Variants in NXPE2 observed in about 807,000 individuals in gnomAD.
NXPE2 encodes NXPE family member 2.
A neutral mutation model predicts 34.4 loss-of-function variants in NXPE2; 34 were observed. That is an observed-to-expected ratio of 0.99 (90% CI 0.75 to 1.31). The LOEUF (loss-of-function observed/expected upper bound fraction) is 1.31, where lower values mean the gene tolerates loss of function less well. Ranked by LOEUF, NXPE2 falls within the 40% of genes most tolerant of loss-of-function variation. The probability of loss-of-function intolerance (pLI) is 0.00; values close to 1 mark genes in which losing one functional copy is unlikely to be tolerated. For missense variants in NXPE2, 649 were observed against 672.5 expected (o/e 0.97, Z 0.39); for synonymous variants, 235 against 231.3 (o/e 1.02, Z -0.15).
At chr11:114,478,222 C>T in the NXPE2 span, among the ~76,000 whole-genome samples, 204 of 152,104 alleles carry the variant, frequency 1.3e-3, no homozygotes, top group African/African-American at 4.7e-3. Context: ...ATCTCTGTGA[C>T]GGGGAGGTAG....
chr11:114,543,277 A>G, the NXPE2 span, among the ~76,000 whole-genome samples: 133 of 151,442 alleles, frequency 8.8e-4, no homozygotes, highest in African/African-American at 3.1e-3. Context: ...AATTGCTTGA[A>G]CCTGGGAGGC....
At chr11:114,645,596 G>A in the NXPE2 span, among the ~76,000 whole-genome samples, 1 of 151,988 alleles carries the variant, frequency 6.6e-6, no homozygotes, top group Admixed American at 6.6e-5. Context: ...TAAAATGCAA[G>A]GCATAAGCTA....
chr11:114,489,651 TCAA>T, the NXPE2 span, among the ~76,000 whole-genome samples: 4 of 152,156 alleles, frequency 2.6e-5, no homozygotes, highest in African/African-American at 4.8e-5. Context: ...TTGACAAAAT[TCAA>T]CAACGCTTCA....
At chr11:114,591,761 C>CTGTA in the NXPE2 span, among the ~76,000 whole-genome samples, 273 of 152,188 alleles carry the variant, frequency 1.8e-3, 3 homozygotes, top group African/African-American at 6.4e-3. Context: ...TTCCAGGCCC[C>CTGTA]TGTATGATGT....
At chr11:114,505,025 G>A in the NXPE2 span, among the ~76,000 whole-genome samples, 1 of 152,118 alleles carries the variant, frequency 6.6e-6, no homozygotes, top group African/African-American at 2.4e-5. Context: ...AAAATAGCCA[G>A]TATACAGAAG....
chr11:114,613,628 A>C, the NXPE2 span, among the ~76,000 whole-genome samples: 7 of 151,576 alleles, frequency 4.6e-5, no homozygotes, highest in Non-Finnish European at 1.0e-4. Context: ...ACTGTTACAC[A>C]CTGGATAACA....
At chr11:114,766,586 TTC>T in the NXPE2 span, among the ~76,000 whole-genome samples, 1 of 152,078 alleles carries the variant, frequency 6.6e-6, no homozygotes, top group Non-Finnish European at 1.5e-5. Context: ...TCCCTCTCCC[TTC>T]TCTGTTCCTT....
chr11:114,638,456 C>T, the NXPE2 span, among the ~76,000 whole-genome samples: 1 of 152,038 alleles, frequency 6.6e-6, no homozygotes, highest in African/African-American at 2.4e-5. Flanking sequence ...AAGCCTTCTT[C>T]TCTCAACTCA....
chr11:114,551,418 T>C, the NXPE2 span: 1 of 1,320,862 alleles, frequency 7.6e-7, no homozygotes. Context: ...TCACTCAGGA[T>C]TGTTGCTTCC....
chr11:114,697,922 G>A (rs1292816067), intron 2 of NXPE2, 123 bp from the exon 3 acceptor site: 2 of 954,086 alleles, frequency 2.1e-6, no homozygotes, highest in African/African-American at 3.3e-5. Context: ...AAACCAGTTA[G>A]TATCGATTTT....
the NXPE2 span, among the ~76,000 whole-genome samples, chr11:114,713,832 C>T: frequency 6.6e-6 from 1 of 152,120 alleles, no homozygotes; most frequent in East Asian, 1.9e-4. Context: ...GGAGTAATCC[C>T]AATCTTCTTT....
At chr11:114,587,721 G>C in the NXPE2 span, among the ~76,000 whole-genome samples, 1 of 152,184 alleles carries the variant, frequency 6.6e-6, no homozygotes, top group Non-Finnish European at 1.5e-5. Context: ...CTTTCCAAAG[G>C]AAACGAAGGT....
intron 2 of NXPE2, among the ~76,000 whole-genome samples, chr11:114,687,147 G>T (rs1407699241): frequency 6.6e-6 from 1 of 151,944 alleles, no homozygotes; most frequent in Non-Finnish European, 1.5e-5. Context: ...TTTTGTTTTT[G>T]TTACATTTGC....
the NXPE2 span, chr11:114,530,367 G>C: frequency 5.0e-6 from 8 of 1,614,208 alleles, no homozygotes; most frequent in Non-Finnish European, 6.8e-6. Flanking sequence ...GAAGACATGA[G>C]AGGTGCCATT....
chr11:114,701,839 T>C (rs761158609), intron 3 of NXPE2, among the ~76,000 whole-genome samples: 5 of 152,198 alleles, frequency 3.3e-5, no homozygotes, highest in African/African-American at 1.2e-4. Flanking sequence ...ATCAAAAATA[T>C]AATATTCACA....
the NXPE2 span, among the ~76,000 whole-genome samples, chr11:114,487,313 G>GA: frequency 6.6e-6 from 1 of 152,210 alleles, no homozygotes; most frequent in South Asian, 2.1e-4. Flanking sequence ...TTGGTATACA[G>GA]AGATGCTACT....
At chr11:114,783,447 A>G in the NXPE2 span, among the ~76,000 whole-genome samples, 2 of 152,256 alleles carry the variant, frequency 1.3e-5, no homozygotes, top group South Asian at 2.1e-4. Context: ...CCCAGAGCCG[A>G]CTGATCTCAC....
At chr11:114,651,290 C>G in the NXPE2 span, among the ~76,000 whole-genome samples, 5 of 151,814 alleles carry the variant, frequency 3.3e-5, no homozygotes, top group South Asian at 4.2e-4. Flanking sequence ...TTCGTGGTCT[C>G]GCTGACTTTA....
chr11:114,484,355 T>TGG, the NXPE2 span, among the ~76,000 whole-genome samples: 2 of 151,984 alleles, frequency 1.3e-5, no homozygotes, highest in African/African-American at 2.4e-5. Flanking sequence ...GTTTGGGATG[T>TGG]GGGGGGGTAG....
Sources: gnomAD v4.1 joint callset for allele counts (sites outside exome capture counted in the v4.1 genomes callset) on GRCh38, gnomAD v4.1.1 for gene constraint, MANE v1.5 for transcripts, NCBI Gene and HGNC (gene_info 2026-07-23, HGNC 2026-07-21) for gene names.